The following EVC variants were observed in gnomAD, a reference collection of about 807,000 sequenced individuals.
EVC encodes evC complex member EVC.
EVC carries 116 observed loss-of-function variants against 118.9 expected under a neutral mutation model. The observed-to-expected ratio is 0.98, with a 90% CI of 0.84 to 1.14. The LOEUF (loss-of-function observed/expected upper bound fraction) is 1.14, where lower values mean the gene tolerates loss of function less well. Among genes scored for constraint, EVC ranks in the 50% most tolerant of loss-of-function variants. EVC has a pLI of 0.00. For synonymous variants in EVC, 619 were observed against 534.7 expected (o/e 1.16, Z -2.18); for missense variants, 1,401 against 1,246.4 (o/e 1.12, Z -1.87).
At chr4:5,780,025 T>C (rs1269054693) in intron 11 of EVC, among the ~76,000 whole-genome samples, 2 of 152,212 alleles carry the variant, frequency 1.3e-5, no homozygotes, top group African/African-American at 2.4e-5. Context: ...CATCAATACC[T>C]AATTGATTAA....
chr4:5,774,016 T>G (rs1734370677), intron 11 of EVC, among the ~76,000 whole-genome samples: 1 of 152,020 alleles, frequency 6.6e-6, no homozygotes, highest in African/African-American at 2.4e-5. Context: ...TGGTGCATCT[T>G]CAGCCCTGGC....
At position 5,753,837 on chromosome 4, in the gene EVC, G is replaced by A. The variant is rs1304663890; in HGVS notation, c.1368G>A (p.Val456=). Residue 456 remains valine (V), a synonymous_variant, in exon 10 of 21, where the codon GTG becomes GTA. Transcript: ENST00000264956. ...DLVTASLAHQ[V]EGTAKLTLAQ... is the part of the protein sequence containing the mutation. ...TCACGGCGTCTCTGGCTCACCAGGT[G>A]GAGGGAACGGCAAAACTCACGCTGG... is the stretch of plus-strand genomic sequence containing the variant. The A allele has an allele frequency of 6.2e-7, 1 of 1,614,006 alleles. No individual in the cohort carries two copies. The highest frequency in any genetic ancestry group is 8.5e-7 in the Non-Finnish European group (1 of 1,180,024).
chr4:5,782,536 GAAAAAAAAAAAAAA>G (rs71171483), intron 11 of EVC, among the ~76,000 whole-genome samples: 1,931 of 45,902 alleles, frequency 0.042, 84 homozygotes, highest in African/African-American at 0.11. Context: ...TGTTTTAAAT[GAAAAAAAAAAAAAA>G]AAAAAAAAAA....
chr4:5,819,456 T>C, the EVC span, among the ~76,000 whole-genome samples: 1 of 152,246 alleles, frequency 6.6e-6, no homozygotes, highest in African/African-American at 2.4e-5. Context: ...AAGGATTATC[T>C]GAGCTACCAG....
chr4:5,825,708 C>G, the EVC span: 2 of 1,581,822 alleles, frequency 1.3e-6, no homozygotes, highest in Non-Finnish European at 1.7e-6. This position sits in a 1 kb window ranked among gnomAD's most constrained non-coding sequence, Gnocchi z 4.4. Flanking sequence ...TGCATGTGTG[C>G]CCTTCTGGGC....
At chr4:5,796,774 A>G (rs1302465440) in intron 13 of EVC, among the ~76,000 whole-genome samples, 1 of 151,874 alleles carries the variant, frequency 6.6e-6, no homozygotes, top group Admixed American at 6.6e-5. Flanking sequence ...TGCATACCAT[A>G]GGCTGCTGTA....
At chr4:5,740,925 A>C (rs1215063442) in intron 5 of EVC, among the ~76,000 whole-genome samples, 1 of 152,258 alleles carries the variant, frequency 6.6e-6, no homozygotes, top group Non-Finnish European at 1.5e-5. Flanking sequence ...TAAAATAAAA[A>C]ATAGTGACAC....
chr4:5,748,669 C>T (rs1729819588), intron 8 of EVC, among the ~76,000 whole-genome samples: 1 of 119,718 alleles, frequency 8.4e-6, no homozygotes, highest in Non-Finnish European at 1.7e-5. Flanking sequence ...TCCATCCCTC[C>T]ATCCATCCAT....
rs1716879246 is a variant in EVC at position 5,811,322 on chromosome 4, G to A, written c.*285G>A. 1 of 430,522 alleles carries A rather than the reference G, an allele frequency of 2.3e-6. No homozygotes were observed. Among genetic ancestry groups the A allele is most frequent in the African/African-American group, 2.0e-5 (1 of 49,588 alleles). 26.7% of individuals were successfully genotyped at this position (430,522 alleles called of 1,614,324 possible). On this transcript the variant is annotated 3_prime_UTR_variant, in exon 21 of 21. Transcript: ENST00000264956. ...TCATGGATCTTTCTCCCCAAGGAGG[G>A]ACGTCTTGAGGGGTCCGAGCCTCAG...
intron 17 of EVC, among the ~76,000 whole-genome samples, chr4:5,806,085 CT>C (rs113680421): frequency 9.4e-4 from 136 of 144,386 alleles, no homozygotes; most frequent in Middle Eastern, 3.5e-3. Context: ...CTTCCACTCT[CT>C]TTTTTTTTTT....
rs933222467 is a variant in EVC, at chr4:5,742,871, A to G, written c.801+1057A>G. Among the ~76,000 whole-genome samples the G allele has an allele frequency of 2.0e-5, 3 of 152,214 alleles. No individual in the cohort carries two copies. Among genetic ancestry groups the G allele is most frequent in the Admixed American group, 2.0e-4 (3 of 15,286 alleles). Reference sequence around the variant, plus strand: ...TTCAAGGGAGAGCCAGTGGTGTTAGACAGTAGTGTTTTAGTGAATGGTGCC... The same window carrying G: ...TTCAAGGGAGAGCCAGTGGTGTTAGGCAGTAGTGTTTTAGTGAATGGTGCC... On this transcript the variant is annotated intron_variant, in intron 6 of 20. Coordinates refer to ENST00000264956, the MANE Select transcript of EVC (RefSeq NM_153717.3). The surrounding 1 kb of genome is among the most constrained non-coding windows in gnomAD (Gnocchi z 5.2).
chr4:5,722,697 T>C lies in EVC; in HGVS notation c.300+3324T>C, dbSNP rs572330912. Reference sequence around the variant, plus strand: ...AGAGTGGGTGCCTTTAAGGATGCATTTATGCATTCTCTGAAAAGAACCCCT... The same window carrying C: ...AGAGTGGGTGCCTTTAAGGATGCATCTATGCATTCTCTGAAAAGAACCCCT... On this transcript the variant is annotated intron_variant, in intron 2 of 20. Transcript: ENST00000264956. Among the ~76,000 whole-genome samples, 7 of 152,304 alleles carry C rather than the reference T, an allele frequency of 4.6e-5. No individual in the cohort carries two copies. The South Asian group carries it at 1.5e-3, about 32-fold the overall frequency.
chr4:5,804,553 T>C (rs1034033898), intron 16 of EVC, among the ~76,000 whole-genome samples, 177 bp from the exon 17 acceptor site: 1 of 152,132 alleles, frequency 6.6e-6, no homozygotes, highest in Admixed American at 6.5e-5. Flanking sequence ...CAGTGCCTGG[T>C]CCATGATGGA....
rs1008006227 is a variant in EVC, at chr4:5,794,407, T to TA, written c.1886+690_1886+691insA. ...TATATATTTTTTATATATATATATA[T>TA]TTTTTTTCTTTTTTCTCGAGACAGA... On this transcript the variant is annotated intron_variant, in intron 13 of 20. Coordinates refer to ENST00000264956, the MANE Select transcript of EVC (RefSeq NM_153717.3). Among the ~76,000 whole-genome samples the TA allele has an allele frequency of 3.4e-3, 266 of 79,100 alleles. 6 individuals carry two copies. The East Asian group carries it at 0.11, about 34-fold the overall frequency. 51.9% of individuals were successfully genotyped at this position (79,100 alleles called of 152,430 possible).
At chr4:5,770,248 C>A (rs1235478833) in intron 11 of EVC, among the ~76,000 whole-genome samples, 3 of 152,242 alleles carry the variant, frequency 2.0e-5, no homozygotes, top group South Asian at 4.1e-4. Flanking sequence ...TGACCCTCCG[C>A]CCCCACAGCT....
chr4:5,735,321 A>G (rs969025757), intron 5 of EVC, among the ~76,000 whole-genome samples: 1 of 152,244 alleles, frequency 6.6e-6, no homozygotes, highest in Non-Finnish European at 1.5e-5. Context: ...GTGGAAACCC[A>G]GGGAAGTTCC....
chr4:5,791,095 CAAAAAGAA>C (rs1433160304), intron 12 of EVC, among the ~76,000 whole-genome samples: 1 of 151,388 alleles, frequency 6.6e-6, no homozygotes, highest in Non-Finnish European at 1.5e-5. Context: ...GACTCCATCT[CAAAAAGAA>C]AAAAAGAAAA....
In EVC at chr4:5,745,292, C is replaced by G; in HGVS notation, c.890C>G (p.Ala297Gly). 6.2e-7 allele frequency: 1 copy of G among 1,613,720 alleles called. No homozygotes were observed. The highest frequency in any genetic ancestry group is 8.5e-7 in the Non-Finnish European group (1 of 1,179,734). ...GGTGACTCTGAGTACATCACCCTGG[C>G]TGATGTGGAAAAGAAGGAGAGAGAA... ...GAGDSEYITL[A>G]DVEKKEREYS... Residue 297 changes from alanine to glycine, a missense_variant, in exon 7 of 21, where the codon GCT (alanine) becomes GGT (glycine). Physicochemically the swap from Ala to Gly is moderately conservative, Grantham distance 60. Transcript: ENST00000264956.
In EVC at chr4:5,796,982, C is replaced by G. The variant is rs1297187317; in HGVS notation, c.1887-40C>G. On this transcript the variant is annotated intron_variant, in intron 13 of 20. Coordinates refer to ENST00000264956, the MANE Select transcript of EVC (RefSeq NM_153717.3). ...GAGCTTGTCACTGGCTTCGTGAAGC[C>G]AAGAGCATTGACCCCACCCCTCACC... 11 of 1,479,504 alleles carry G rather than the reference C, an allele frequency of 7.4e-6. No individual in the cohort carries two copies. The Admixed American group carries it at 1.2e-4, about 16-fold the overall frequency. 91.6% of individuals were successfully genotyped at this position (1,479,504 alleles called of 1,614,324 possible).
Sources: gnomAD v4.1 joint callset for allele counts (sites outside exome capture counted in the v4.1 genomes callset) on GRCh38, gnomAD v4.1.1 for gene constraint, Gnocchi (gnomAD v3.1) non-coding constraint, MANE v1.5 for transcripts, NCBI Gene and HGNC (gene_info 2026-07-23, HGNC 2026-07-21) for gene names.